The following TNS1 variants were observed in gnomAD, a reference collection of about 807,000 sequenced individuals.
The protein encoded by TNS1 is tensin 1.
A neutral mutation model predicts 168.6 loss-of-function variants in TNS1; 62 were observed. The observed-to-expected ratio is 0.37, with a 90% CI of 0.30 to 0.45. TNS1 has a LOEUF of 0.45. Ranked by LOEUF, TNS1 falls within the 20% of genes least tolerant of loss-of-function variation. The pLI is 1.00. For synonymous variants in TNS1, 934 were observed against 933.2 expected, an observed-to-expected ratio of 1.00 and a Z score of -0.02; for missense variants, 2,240 against 2,339.4, an observed-to-expected ratio of 0.96 and a Z score of 0.88.
intron 18 of TNS1, chr2:217,850,480 C>T: frequency 1.0e-6 from 1 of 985,064 alleles, no homozygotes; most frequent in South Asian, 4.7e-5. Context: ...CTGGGTGGCT[C>T]GGGGCCAAAG....
upstream of TNS1, among the ~76,000 whole-genome samples, chr2:218,014,131 G>T (rs1958735743): frequency 2.0e-5 from 3 of 152,240 alleles, no homozygotes. Context: ...GGCTGGTTTT[G>T]TCTGCAGGGG....
intron 3 of TNS1, among the ~76,000 whole-genome samples, chr2:217,929,477 G>A (rs1014829815): frequency 6.6e-6 from 1 of 152,146 alleles, no homozygotes; most frequent in African/African-American, 2.4e-5. Flanking sequence ...GGCAGGGTGA[G>A]AGGGTCCCCG....
intron 1 of TNS1, among the ~76,000 whole-genome samples, chr2:218,017,819 C>A (rs1250603724): frequency 6.6e-6 from 1 of 152,236 alleles, no homozygotes; most frequent in African/African-American, 2.4e-5. Flanking sequence ...AATATCTCAA[C>A]CACAACCCCT....
At chr2:217,932,400 G>A (rs1956370800) in intron 3 of TNS1, among the ~76,000 whole-genome samples, 1 of 152,232 alleles carries the variant, frequency 6.6e-6, no homozygotes, top group African/African-American at 2.4e-5. Flanking sequence ...GTGGCTGGAA[G>A]TATTCAATAA....
chr2:217,897,371 T>C (rs1025058305), intron 8 of TNS1, among the ~76,000 whole-genome samples: 6 of 152,242 alleles, frequency 3.9e-5, no homozygotes, highest in East Asian at 1.9e-4. Context: ...GTGCCAGCTC[T>C]GCCACTTCCT....
chr2:217,984,415 TGA>T (rs1958137188), intron 2 of TNS1, among the ~76,000 whole-genome samples: 1 of 151,826 alleles, frequency 6.6e-6, no homozygotes, highest in African/African-American at 2.4e-5. Context: ...TAAAATATTA[TGA>T]GTTTTTTTTT....
At chr2:217,852,839 G>A (rs191357167) in intron 18 of TNS1, among the ~76,000 whole-genome samples, 7 of 152,258 alleles carry the variant, frequency 4.6e-5, no homozygotes, top group Non-Finnish European at 7.3e-5. Flanking sequence ...ACTCCTGTTC[G>A]CTAACTACAA....
intron 21 of TNS1, 77 bp from the exon 22 acceptor site, chr2:217,831,624 A>G: frequency 5.8e-6 from 7 of 1,212,206 alleles, no homozygotes; most frequent in Non-Finnish European, 7.7e-6. Context: ...ACGTGAGGGC[A>G]CGCTTAGTGA....
At chr2:217,900,614 T>C in intron 6 of TNS1, 102 bp from the exon 7 acceptor site, 2 of 1,275,420 alleles carry the variant, frequency 1.6e-6, no homozygotes, top group Non-Finnish European at 2.2e-6. Flanking sequence ...ATCCTCTTCT[T>C]TCCTTGCCAA....
At chr2:217,932,353 C>T (rs1956368090) in intron 3 of TNS1, among the ~76,000 whole-genome samples, 1 of 152,226 alleles carries the variant, frequency 6.6e-6, no homozygotes, top group Non-Finnish European at 1.5e-5. Context: ...TCTCAGTTTG[C>T]CCCTCTGTAA....
chr2:218,020,455 A>G (rs1394853809), intron 1 of TNS1, among the ~76,000 whole-genome samples: 5 of 152,086 alleles, frequency 3.3e-5, no homozygotes, highest in African/African-American at 1.2e-4. Flanking sequence ...GGGGAGTGAC[A>G]GGCAAATAGG....
intron 18 of TNS1, chr2:217,859,694 G>T (rs753486791): frequency 3.9e-6 from 6 of 1,535,806 alleles, no homozygotes; most frequent in East Asian, 2.4e-5. Context: ...TATTCTGTTT[G>T]TTCCCATCTG....
In TNS1 at chr2:217,891,005, A is replaced by G; in HGVS notation, c.823T>C (p.Tyr275His). 5 of 1,614,224 alleles carry G rather than the reference A, an allele frequency of 3.1e-6. No homozygotes were observed. Among genetic ancestry groups the G allele is most frequent in the Non-Finnish European group, 4.2e-6 (5 of 1,180,038 alleles). The change falls in exon 12 of 33, where the codon TAT becomes CAT. Residue 275 changes from tyrosine (Y) to histidine (H), a missense_variant. Physicochemically the swap from Tyr to His is moderately conservative, Grantham distance 83. Transcript: ENST00000682258. ...CCAATGGGCACAATCTTATCCTCAT[A>G]GAACCGCTTCATTGCAAACCGGTCC... ...ALDRFAMKRF[Y>H]EDKIVPIGQP...
chr2:217,966,316 C>A (rs552342148), intron 3 of TNS1, among the ~76,000 whole-genome samples: 6 of 135,452 alleles, frequency 4.4e-5, no homozygotes, highest in South Asian at 2.5e-4. Flanking sequence ...TGTGCGCGCG[C>A]GCGCGTGTGT....
chr2:217,805,877 ACACACAC>A (rs1240953301), intron 32 of TNS1, among the ~76,000 whole-genome samples: 26 of 113,114 alleles, frequency 2.3e-4, no homozygotes, highest in South Asian at 5.3e-4. Context: ...CACAACATAT[ACACACAC>A]CACACACACA....
chr2:217,893,706 C>T, intron 9 of TNS1, 145 bp from the exon 10 acceptor site: 1 of 1,213,552 alleles, frequency 8.2e-7, no homozygotes. Flanking sequence ...TCCCTGCCCA[C>T]TGGCCAGCGA....
intron 1 of TNS1, among the ~76,000 whole-genome samples, chr2:217,998,274 A>C (rs1238871408): frequency 1.4e-5 from 2 of 143,628 alleles, no homozygotes; most frequent in Admixed American, 6.9e-5. Flanking sequence ...CTCCATCAGC[A>C]TCTCTCTCTC....
chr2:218,033,247 C>T lies in TNS1; in HGVS notation c.156+573G>A, dbSNP rs778905189. Among the ~76,000 whole-genome samples the T allele has an allele frequency of 3.9e-5, 6 of 152,188 alleles. No individual in the cohort carries two copies. The highest frequency in any genetic ancestry group is 7.3e-5 in the Non-Finnish European group (5 of 68,028). On this transcript the variant is annotated intron_variant, in intron 1 of 1. Coordinates refer to the TNS1 transcript ENST00000649572. This position sits in a 1 kb window ranked among gnomAD's most constrained non-coding sequence, Gnocchi z 4.3. Reference sequence around the variant, plus strand: ...CCTGATGGTTCCCTGGCAGACTCCTCCAGAGCAGACACCTGCCTCCCAGCT... The same window carrying T: ...CCTGATGGTTCCCTGGCAGACTCCTTCAGAGCAGACACCTGCCTCCCAGCT...
rs1293678443 is a variant in TNS1 at position 217,848,207 on chromosome 2, C to G, written c.2310G>C (p.Arg770Ser). 4 of 1,598,382 alleles carry G rather than the reference C, an allele frequency of 2.5e-6. No individual in the cohort carries two copies. The Admixed American group carries it at 6.9e-5, about 27-fold the overall frequency. ...GCTGCTGCTGCCACGAATTCAGTCC[C>G]CTTTGCACAGCCTCCCGGCTGCTTC... is the stretch of plus-strand genomic sequence containing the variant. ...RGGSSREAVQRGLNSWQQQQQ... is the reference protein window; with the variant it reads ...RGGSSREAVQSGLNSWQQQQQ... The change falls in exon 19 of 33, where the codon AGG (arginine) becomes AGC (serine). Residue 770 changes from arginine to serine, a missense_variant. Around this residue, in one of 2 missense-constraint regions of TNS1, gnomAD observed 2,131 missense variants for 2,171.2 expected, o/e 0.98. Coordinates refer to ENST00000682258, the MANE Select transcript of TNS1 (RefSeq NM_001387777.1).
Sources: allele counts gnomAD v4.1 joint callset (sites outside exome capture counted in the v4.1 genomes callset), GRCh38; gene constraint gnomAD v4.1.1; regional missense constraint gnomAD v4.1.1; non-coding constraint Gnocchi (gnomAD v3.1); transcripts MANE v1.5; gene names NCBI Gene and HGNC (gene_info 2026-07-23, HGNC 2026-07-21).